HOMER1: variants seen among roughly 807,000 people sequenced by gnomAD.
HOMER1 encodes homer protein homolog 1.
A neutral mutation model predicts 48.9 loss-of-function variants in HOMER1; 3 were observed. That is an observed-to-expected ratio of 0.06 (90% confidence interval 0.03 to 0.16). HOMER1 has a LOEUF of 0.16. Among genes scored for constraint, HOMER1 ranks in the 10% least tolerant of loss-of-function variants. HOMER1 has a pLI of 1.00. For synonymous variants in HOMER1, 134 were observed against 146.4 expected (o/e 0.92, Z 0.61); for missense variants, 247 against 411.4 (o/e 0.60, Z 3.46).
chr5:79,396,859 T>C lies in HOMER1; in HGVS notation c.840A>G (p.Leu280=), dbSNP rs1178163613. 6.2e-7 allele frequency: 1 copy of C among 1,605,258 alleles called. No homozygotes were observed. Among genetic ancestry groups the C allele is most frequent in the South Asian group, 1.1e-5 (1 of 90,658 alleles). The stretch of plus-strand genomic sequence containing the variant: ...GAGTCAAAGAATCCCTCTGTTCTTG[T>C]AGTTCTCTGGCATTATCAATTTCTT... ...LKQEIDNARE[L]QEQRDSLTQK... The change falls in exon 8 of 9, where the codon CTA becomes CTG. Residue 280 remains leucine, a synonymous_variant. Transcript: ENST00000334082.
chr5:79,513,921 G>A lies in HOMER1; in HGVS notation c.-1147C>T, dbSNP rs1289322165. The A allele has an allele frequency of 1.3e-5, 2 of 155,554 alleles. No homozygotes were observed. The highest frequency in any genetic ancestry group is 1.4e-5 in the Non-Finnish European group (1 of 70,346). The allele number at this position is 155,554 out of a possible 1,614,324, so 9.6% of individuals were successfully genotyped here. A position where few individuals can be genotyped will look rare whatever the true frequency, so the allele number is the denominator to read the frequency against. The stretch of plus-strand genomic sequence containing the variant: ...CTCGTCTCTCACGCTCCGCGCCGCC[G>A]CCACGCGCCGCCTCACATTCCCCGG... On this transcript the variant is annotated 5_prime_UTR_variant, in exon 1 of 9. Coordinates refer to ENST00000334082, the MANE Select transcript of HOMER1 (RefSeq NM_004272.5).
chr5:79,378,994 G>T (rs933189116), intron 8 of HOMER1, among the ~76,000 whole-genome samples: 1 of 143,024 alleles, frequency 7.0e-6, no homozygotes, highest in Admixed American at 7.4e-5. Context: ...TGTTCCTAGA[G>T]CAAGAATAGA....
At chr5:79,448,546 AT>A (rs1208601350) in intron 3 of HOMER1, among the ~76,000 whole-genome samples, 1 of 151,926 alleles carries the variant, frequency 6.6e-6, no homozygotes, top group African/African-American at 2.4e-5. Context: ...GAGACCACAC[AT>A]TTTTTTTCAA....
intron 8 of HOMER1, among the ~76,000 whole-genome samples, chr5:79,380,020 G>A (rs1265920380): frequency 6.6e-6 from 1 of 152,100 alleles, no homozygotes; most frequent in East Asian, 1.9e-4. Context: ...ACTTCAAATG[G>A]ATCATCCAAC....
At chr5:79,386,961 T>C (rs1333200628) in intron 8 of HOMER1, among the ~76,000 whole-genome samples, 2 of 131,610 alleles carry the variant, frequency 1.5e-5, no homozygotes, top group Non-Finnish European at 3.2e-5. Context: ...CTTTCTTCCT[T>C]CCCTTCCCTT....
chr5:79,430,930 A>T (rs1050110655), intron 5 of HOMER1, among the ~76,000 whole-genome samples: 14 of 151,868 alleles, frequency 9.2e-5, no homozygotes, highest in African/African-American at 3.2e-4. Context: ...TCAAAAAAAT[A>T]AAAATAAAAA....
rs903914882 is a variant in HOMER1, at chr5:79,451,221, A to C, written c.163-100T>G. The C allele has an allele frequency of 8.3e-6, 10 of 1,200,908 alleles. No homozygotes were observed. In the Middle Eastern group the frequency reaches 6.2e-4, roughly 74 times the overall value. 74.4% of individuals were successfully genotyped at this position (1,200,908 alleles called of 1,614,324 possible). A position where few individuals can be genotyped will look rare whatever the true frequency, so the allele number is the denominator to read the frequency against. On this transcript the variant is annotated intron_variant, in intron 2 of 8. Coordinates refer to ENST00000334082, the MANE Select transcript of HOMER1 (RefSeq NM_004272.5). ...ACATAAAAGCTTAAGATTATCAATAAGCCACAACGTTAAATACATAAAGAT... is the reference window on the plus strand; with the variant it reads ...ACATAAAAGCTTAAGATTATCAATACGCCACAACGTTAAATACATAAAGAT...
chr5:79,454,395 C>T (rs1285201270), intron 2 of HOMER1, among the ~76,000 whole-genome samples: 5 of 151,898 alleles, frequency 3.3e-5, no homozygotes, highest in Admixed American at 3.3e-4. Context: ...GGCACGTTAT[C>T]TGTCGTTTGG....
At chr5:79,379,925 G>A (rs1035235830) in intron 8 of HOMER1, among the ~76,000 whole-genome samples, 12 of 152,118 alleles carry the variant, frequency 7.9e-5, no homozygotes, top group Admixed American at 3.9e-4. Context: ...TGCTTTAAAA[G>A]GTGGGAGAGG....
intron 1 of HOMER1, among the ~76,000 whole-genome samples, chr5:79,500,925 A>ATT (rs1444757311): frequency 2.1e-3 from 150 of 72,898 alleles, no homozygotes; most frequent in Middle Eastern, 7.9e-3. Context: ...GCACCCAGCC[A>ATT]TTTGTGTGTG....
At chr5:79,417,514 A>C (rs1042954654) in intron 5 of HOMER1, among the ~76,000 whole-genome samples, 3 of 152,214 alleles carry the variant, frequency 2.0e-5, no homozygotes, top group Non-Finnish European at 4.4e-5. Flanking sequence ...ATGATGTTAG[A>C]CTATTCCACA....
At chr5:79,432,974 A>C (rs905621044) in intron 5 of HOMER1, among the ~76,000 whole-genome samples, 1 of 152,230 alleles carries the variant, frequency 6.6e-6, no homozygotes, top group Non-Finnish European at 1.5e-5. Flanking sequence ...TATTTAAGTC[A>C]ATTATTAAAG....
intron 1 of HOMER1, among the ~76,000 whole-genome samples, chr5:79,480,667 CT>C (rs1423598578): frequency 6.6e-6 from 1 of 152,134 alleles, no homozygotes; most frequent in African/African-American, 2.4e-5. Context: ...TATTTTATTT[CT>C]TTGATTAGGC....
chr5:79,409,784 T>C (rs1341658705), intron 5 of HOMER1, among the ~76,000 whole-genome samples: 2 of 152,180 alleles, frequency 1.3e-5, no homozygotes, highest in Non-Finnish European at 2.9e-5. Context: ...TTAACATCAT[T>C]ATCATCAAGG....
chr5:79,388,764 ATTATTAC>A (rs1238066519), intron 8 of HOMER1, among the ~76,000 whole-genome samples: 1 of 152,098 alleles, frequency 6.6e-6, no homozygotes, highest in African/African-American at 2.4e-5. Context: ...TTTTAATTCA[ATTATTAC>A]TTATTATTTT....
At chr5:79,481,120 G>C (rs767845457) in intron 1 of HOMER1, among the ~76,000 whole-genome samples, 1 of 152,034 alleles carries the variant, frequency 6.6e-6, no homozygotes, top group Non-Finnish European at 1.5e-5. Flanking sequence ...TCATCACTTA[G>C]GTATGGGATG....
intron 4 of HOMER1, among the ~76,000 whole-genome samples, chr5:79,443,892 T>C (rs758978618): frequency 1.1e-4 from 17 of 152,228 alleles, no homozygotes; most frequent in Non-Finnish European, 1.9e-4. Context: ...GTAATACTCA[T>C]GTTATAAATG....
At position 79,377,020 on chromosome 5, in the gene HOMER1, C is replaced by T. The variant is rs541649116; in HGVS notation, c.877-823G>A. 2.6e-5 allele frequency among the ~76,000 whole-genome samples: 4 copies of T among 152,272 alleles called. No individual in the cohort carries two copies. In the South Asian group the frequency reaches 6.2e-4, roughly 24 times the overall value. On this transcript the variant is annotated intron_variant, in intron 8 of 8. Coordinates refer to ENST00000334082, the MANE Select transcript of HOMER1 (RefSeq NM_004272.5). ...TCACTCTGTCCCCCAGGATGGAGTG[C>T]AATGGTGCAATCTTGGCTCACTGCA...
intron 4 of HOMER1, 53 bp from the exon 5 acceptor site, chr5:79,439,202 A>C (rs1201930114): frequency 1.4e-5 from 22 of 1,582,578 alleles, no homozygotes; most frequent in Non-Finnish European, 1.9e-5. Flanking sequence ...GTTAAAGTAC[A>C]CAATATCATC....
Sources: allele counts gnomAD v4.1 joint callset (sites outside exome capture counted in the v4.1 genomes callset), GRCh38; gene constraint gnomAD v4.1.1; transcripts MANE v1.5; gene names NCBI Gene and HGNC (gene_info 2026-07-23, HGNC 2026-07-21).